The following CHRM3 variants were observed in gnomAD, a reference collection of about 807,000 sequenced individuals.
CHRM3 encodes the protein cholinergic receptor muscarinic 3, also known as muscarinic acetylcholine receptor M3.
CHRM3 carries 11 observed loss-of-function variants against 41.8 expected under a neutral mutation model. The ratio of observed to expected loss-of-function variants is 0.26; its 90% CI spans 0.17 to 0.44. The LOEUF is 0.44. Ranked by LOEUF, CHRM3 falls within the 20% of genes least tolerant of loss-of-function variation. CHRM3 has a pLI of 1.00. For synonymous variants in CHRM3, 297 were observed against 301.4 expected (o/e 0.99, Z 0.15); for missense variants, 571 against 745.4 (o/e 0.77, Z 2.72).
At chr1:239,457,234 A>G (rs1328409283) in intron 1 of CHRM3, among the ~76,000 whole-genome samples, 1 of 152,204 alleles carries the variant, frequency 6.6e-6, no homozygotes, top group African/African-American at 2.4e-5. Context: ...TAAACTGGGA[A>G]TAATAATAGA....
chr1:239,781,311 A>G (rs1240773914), intron 5 of CHRM3, among the ~76,000 whole-genome samples: 1 of 152,156 alleles, frequency 6.6e-6, no homozygotes, highest in East Asian at 1.9e-4. Context: ...AGTTTTCCTC[A>G]TGTCAATCTT....
chr1:239,673,926 C>A (rs1339208236), intron 4 of CHRM3, among the ~76,000 whole-genome samples: 2 of 151,970 alleles, frequency 1.3e-5, no homozygotes, highest in East Asian at 3.9e-4. Flanking sequence ...TAAAACACTC[C>A]AAAATCTAAA....
intron 2 of CHRM3, among the ~76,000 whole-genome samples, chr1:239,531,333 G>A (rs1670387646): frequency 1.3e-5 from 2 of 152,086 alleles, no homozygotes; most frequent in African/African-American, 4.8e-5. Context: ...ATAATTGAGA[G>A]TCTAAAGATA....
intron 1 of CHRM3, among the ~76,000 whole-genome samples, chr1:239,470,451 C>G (rs1666036184): frequency 6.6e-6 from 1 of 152,188 alleles, no homozygotes; most frequent in African/African-American, 2.4e-5. Context: ...CACCCCCCCA[C>G]TCTTTTACAG....
rs1473936771 is a variant in CHRM3 at position 239,684,042 on chromosome 1, A to C, written c.-147+5754A>C. ...ACAACATACTGTGCCTCAGGGAATA[A>C]GTAATTCATGTATTTAGGATTCCTA... On this transcript the variant is annotated intron_variant, in intron 5 of 6. Transcript: ENST00000676153. Among the ~76,000 whole-genome samples the C allele has an allele frequency of 2.0e-5, 3 of 152,332 alleles. No individual in the cohort carries two copies. The East Asian group carries it at 5.8e-4, about 29-fold the overall frequency.
intron 5 of CHRM3, among the ~76,000 whole-genome samples, chr1:239,755,031 G>A (rs1666128895): frequency 1.3e-5 from 2 of 152,154 alleles, no homozygotes; most frequent in South Asian, 4.1e-4. Context: ...TTTCATCAAA[G>A]CTTACAAGAG....
At chr1:239,489,647 T>C (rs556476011) in intron 1 of CHRM3, among the ~76,000 whole-genome samples, 141 of 152,314 alleles carry the variant, frequency 9.3e-4, no homozygotes, top group African/African-American at 3.3e-3. Flanking sequence ...TTATGTTTTT[T>C]GCTATTTTGG....
chr1:239,558,507 A>G (rs1249202375), intron 3 of CHRM3, among the ~76,000 whole-genome samples: 1 of 152,214 alleles, frequency 6.6e-6, no homozygotes, highest in African/African-American at 2.4e-5. Flanking sequence ...CCTAACATAC[A>G]CCTTGTGTTT....
At chr1:239,753,133 C>T (rs879534910) in intron 5 of CHRM3, among the ~76,000 whole-genome samples, 2 of 152,042 alleles carry the variant, frequency 1.3e-5, no homozygotes, top group Admixed American at 6.6e-5. Flanking sequence ...TCTATTATAG[C>T]GAGCACAAAA....
At chr1:239,577,358 T>C (rs1385656629) in intron 3 of CHRM3, among the ~76,000 whole-genome samples, 1 of 152,216 alleles carries the variant, frequency 6.6e-6, no homozygotes, top group African/African-American at 2.4e-5. Flanking sequence ...TTCAAATTCA[T>C]TTTGAAAAAC....
intron 3 of CHRM3, among the ~76,000 whole-genome samples, chr1:239,558,527 T>A (rs906177044): frequency 1.3e-5 from 2 of 152,202 alleles, no homozygotes; most frequent in African/African-American, 4.8e-5. Context: ...TAAAATTGAA[T>A]CTCGCATTTC....
intron 2 of CHRM3, among the ~76,000 whole-genome samples, chr1:239,518,535 ACCTGGGTTAAGACC>A (rs1282314153): frequency 1.1e-4 from 17 of 152,228 alleles, no homozygotes; most frequent in African/African-American, 4.1e-4. Flanking sequence ...CAATTTGTCA[ACCTGGGTTAAGACC>A]CCTTCAATTT....
At chr1:239,713,877 G>A (rs906615936) in intron 5 of CHRM3, among the ~76,000 whole-genome samples, 13 of 152,122 alleles carry the variant, frequency 8.5e-5, no homozygotes, top group Non-Finnish European at 1.5e-4. Context: ...TTTTATGGAC[G>A]AGGGACAAAA....
At chr1:239,772,993 T>G (rs541276802) in intron 5 of CHRM3, among the ~76,000 whole-genome samples, 1 of 152,326 alleles carries the variant, frequency 6.6e-6, no homozygotes, top group African/African-American at 2.4e-5. Flanking sequence ...GCCTAGCACC[T>G]GGTAAACACT....
At chr1:239,620,424 G>A (rs763378857) in intron 3 of CHRM3, among the ~76,000 whole-genome samples, 27 of 152,140 alleles carry the variant, frequency 1.8e-4, no homozygotes, top group African/African-American at 4.3e-4. Flanking sequence ...AATCAGATAC[G>A]TAGGTAGATA....
chr1:239,829,925 A>G (rs1048505772), intron 6 of CHRM3, among the ~76,000 whole-genome samples: 1 of 152,152 alleles, frequency 6.6e-6, no homozygotes, highest in East Asian at 1.9e-4. Flanking sequence ...TATAATTACT[A>G]TTTTTGTCTC....
At chr1:239,396,786 A>G (rs188003558) in intron 1 of CHRM3, among the ~76,000 whole-genome samples, 7 of 152,320 alleles carry the variant, frequency 4.6e-5, no homozygotes, top group African/African-American at 1.7e-4. Flanking sequence ...ATTGCCTCTG[A>G]TATTTTTCTA....
chr1:239,712,549 A>G (rs996250995), intron 5 of CHRM3, among the ~76,000 whole-genome samples: 6 of 152,210 alleles, frequency 3.9e-5, no homozygotes, highest in African/African-American at 1.2e-4. Flanking sequence ...ATCTCTGACT[A>G]TTGAAAATAC....
chr1:239,452,562 T>C (rs1664629852), intron 1 of CHRM3, among the ~76,000 whole-genome samples: 1 of 152,190 alleles, frequency 6.6e-6, no homozygotes, highest in African/African-American at 2.4e-5. Context: ...AGGTGTAAGC[T>C]TAGTGTGATA....
Sources: allele counts gnomAD v4.1 joint callset (sites outside exome capture counted in the v4.1 genomes callset), GRCh38; gene constraint gnomAD v4.1.1; transcripts MANE v1.5; gene names NCBI Gene and HGNC (gene_info 2026-07-23, HGNC 2026-07-21).